The following TTC7A variants were observed in gnomAD, a reference collection of about 807,000 sequenced individuals.
TTC7A encodes tetratricopeptide repeat domain 7A, also known as tetratricopeptide repeat protein 7A.
A neutral mutation model predicts 103.7 loss-of-function variants in TTC7A; 110 were observed. The ratio of observed to expected loss-of-function variants is 1.06; its 90% CI spans 0.91 to 1.24. The LOEUF (loss-of-function observed/expected upper bound fraction) is 1.24. Among genes scored for constraint, TTC7A ranks in the 50% most tolerant of loss-of-function variants. The pLI is 0.00. For synonymous variants in TTC7A, 521 were observed against 467.9 expected (o/e 1.11, Z -1.47); for missense variants, 1,340 against 1,116.3 (o/e 1.20, Z -2.86).
Position 47,073,815 on chromosome 2 carries a change from G to T in TTC7A, c.2469G>T (p.Leu823=). The change falls in exon 20 of 20, where the codon CTG becomes CTT. Residue 823 remains leucine, a synonymous_variant. Coordinates refer to ENST00000319190, the MANE Select transcript of TTC7A (RefSeq NM_020458.4). ...CGTGGCAGGGCCTGGGCGAGGTGCTGCAGGCCCAGGGCCAGAACGAGGCTG... is the reference window on the plus strand; with the variant it reads ...CGTGGCAGGGCCTGGGCGAGGTGCTTCAGGCCCAGGGCCAGAACGAGGCTG... ...HEAWQGLGEV[L]QAQGQNEAAV... 1 of 1,613,692 alleles carries T rather than the reference G, an allele frequency of 6.2e-7. No homozygotes were observed. Among genetic ancestry groups the T allele is most frequent in the Non-Finnish European group, 8.5e-7 (1 of 1,179,976 alleles).
intron 3 of TTC7A, among the ~76,000 whole-genome samples, chr2:46,966,944 G>A (rs1672911929): frequency 6.6e-6 from 1 of 150,590 alleles, no homozygotes; most frequent in Admixed American, 6.6e-5. Context: ...CGGGCGCGGT[G>A]GCTCATGCCT....
At chr2:47,063,339 A>G (rs987465337) in intron 19 of TTC7A, among the ~76,000 whole-genome samples, 2 of 152,394 alleles carry the variant, frequency 1.3e-5, no homozygotes, top group East Asian at 1.9e-4. Context: ...ACGGCAAAGC[A>G]CAGCATGGAG....
At chr2:47,045,040 G>A (rs1049835836) in intron 15 of TTC7A, among the ~76,000 whole-genome samples, 2 of 152,200 alleles carry the variant, frequency 1.3e-5, no homozygotes, top group Non-Finnish European at 2.9e-5. Context: ...AGGTGGGCTG[G>A]TAGAACCTCC....
intron 2 of TTC7A, among the ~76,000 whole-genome samples, chr2:46,925,840 C>G (rs1424568345): frequency 6.6e-6 from 1 of 152,200 alleles, no homozygotes; most frequent in Non-Finnish European, 1.5e-5. Context: ...ACCCATACTT[C>G]CTATGTGTTC....
chr2:47,006,215 AT>A (rs1677363193), intron 9 of TTC7A, among the ~76,000 whole-genome samples, 156 bp downstream of exon 9: 1 of 152,156 alleles, frequency 6.6e-6, no homozygotes, highest in East Asian at 1.9e-4. Context: ...CAGCTTCCTC[AT>A]TGGTGAAATA....
In TTC7A at chr2:47,007,929, G is replaced by A. The variant is rs190229099; in HGVS notation, c.1287+1205G>A. 2.0e-5 allele frequency among the ~76,000 whole-genome samples: 3 copies of A among 152,366 alleles called. No homozygotes were observed. The East Asian group carries it at 5.8e-4, about 29-fold the overall frequency. On this transcript the variant is annotated intron_variant, in intron 10 of 19. Coordinates refer to ENST00000319190, the MANE Select transcript of TTC7A (RefSeq NM_020458.4). The surrounding 1 kb of genome is among the most constrained non-coding windows in gnomAD (Gnocchi z 4.9). ...AGGGCAAGGCCCTGGCCCTCCAAGG[G>A]TTAGAGAGTGAGAGAAACCCTCCTA...
At position 47,008,351 on chromosome 2, in the gene TTC7A, C is replaced by T. The variant is rs187803390; in HGVS notation, c.1287+1627C>T. ...TTTAAATCCGAGAGAGGCTCCTAGA[C>T]GCTCTCCAGGCTCAGTCAAAGGTGT... On this transcript the variant is annotated intron_variant, in intron 10 of 19. Transcript: ENST00000319190. Among the ~76,000 whole-genome samples, 143 of 152,314 alleles carry T rather than the reference C, an allele frequency of 9.4e-4. 2 individuals carry two copies. Among genetic ancestry groups the T allele is most frequent in the African/African-American group, 3.2e-3 (131 of 41,560 alleles).
At chr2:46,994,820 C>T (rs1676005013) in intron 7 of TTC7A, among the ~76,000 whole-genome samples, 1 of 152,228 alleles carries the variant, frequency 6.6e-6, no homozygotes, top group Non-Finnish European at 1.5e-5. Flanking sequence ...AAGGTGCGGT[C>T]TGTAGCCAAC....
At position 47,061,056 on chromosome 2, in the gene TTC7A, C is replaced by T. The variant is rs139838584; in HGVS notation, c.2355+85C>T. On this transcript the variant is annotated intron_variant, in intron 19 of 19. Coordinates refer to ENST00000319190, the MANE Select transcript of TTC7A (RefSeq NM_020458.4). ...CGCTTTGTCCCTCCTTGTCCCCATA[C>T]TCCACTGCCTGCCTGTGCCTTGCTA... 2.9e-6 allele frequency: 4 copies of T among 1,359,580 alleles called. No homozygotes were observed. In the East Asian group the frequency reaches 1.0e-4, roughly 34 times the overall value. 84.2% of individuals were successfully genotyped at this position (1,359,580 alleles called of 1,614,324 possible).
intron 13 of TTC7A, 63 bp downstream of exon 13, chr2:47,023,528 T>G: frequency 6.5e-7 from 1 of 1,538,792 alleles, no homozygotes; most frequent in Admixed American, 1.7e-5. Flanking sequence ...TCACAAGCTT[T>G]ACGTCATCAG....
Position 47,006,199 on chromosome 2 carries a change from A to G in TTC7A, c.1203+140A>G. The G allele has an allele frequency of 7.4e-6, 8 of 1,082,630 alleles. No individual in the cohort carries two copies. In the South Asian group the frequency reaches 1.2e-4, roughly 16 times the overall value. The allele number at this position is 1,082,630 out of a possible 1,614,324, so 67.1% of individuals were successfully genotyped here. ...CCGCTTTGACCTCGGCAAGTTGTAC[A>G]AGTCTCAGCTTCCTCATTGGTGAAA... On this transcript the variant is annotated intron_variant, in intron 9 of 19. Transcript: ENST00000319190.
At chr2:46,944,382 T>TTG (rs937796927) in intron 1 of TTC7A, among the ~76,000 whole-genome samples, 17 of 145,122 alleles carry the variant, frequency 1.2e-4, no homozygotes, top group African/African-American at 4.5e-4. Flanking sequence ...GGGTTTTTTT[T>TTG]TTTTTTTTTT....
Position 47,062,917 on chromosome 2 carries a change from T to C in TTC7A, c.2355+1946T>C, listed in dbSNP as rs1481519494. Among the ~76,000 whole-genome samples the C allele has an allele frequency of 3.3e-5, 5 of 152,340 alleles. No individual in the cohort carries two copies. In the East Asian group the frequency reaches 9.6e-4, roughly 29 times the overall value. ...AGCCAGGCCTGCCCTCTTTTAAAGT[T>C]ACAAGCAACCAGAGGGGCAGTCGGC... On this transcript the variant is annotated intron_variant, in intron 19 of 19. Transcript: ENST00000319190.
chr2:46,995,797 C>T (rs74682307), intron 8 of TTC7A, among the ~76,000 whole-genome samples: 1,885 of 152,288 alleles, frequency 0.012, 47 homozygotes, highest in African/African-American at 0.043. Context: ...CCAGAGATGC[C>T]GCAGCAAACA....
intron 15 of TTC7A, among the ~76,000 whole-genome samples, chr2:47,038,952 A>T (rs2104654315): frequency 6.6e-6 from 1 of 152,254 alleles, no homozygotes; most frequent in Non-Finnish European, 1.5e-5. Flanking sequence ...TCTCCCCCAG[A>T]TGAAGGAAGG....
At chr2:47,029,806 CG>C (rs1320974986) in intron 15 of TTC7A, among the ~76,000 whole-genome samples, 1 of 152,208 alleles carries the variant, frequency 6.6e-6, no homozygotes, top group East Asian at 1.9e-4. Flanking sequence ...CAGCTGGAGA[CG>C]GGTTATGGCC....
Position 47,019,976 on chromosome 2 carries a change from G to A in TTC7A, c.1393-1886G>A, listed in dbSNP as rs553122563. On this transcript the variant is annotated intron_variant, in intron 11 of 19. Transcript: ENST00000319190. ...CCTTTTCCACCTCTGCTGCCTCCTG[G>A]GGTAACCACAGCCACCTGATAAGCT... is the stretch of plus-strand genomic sequence containing the variant. 3.3e-5 allele frequency among the ~76,000 whole-genome samples: 5 copies of A among 152,246 alleles called. No homozygotes were observed. The South Asian group carries it at 8.3e-4, about 25-fold the overall frequency.
intron 10 of TTC7A, among the ~76,000 whole-genome samples, chr2:47,009,648 C>T (rs1677810547): frequency 6.6e-6 from 1 of 152,120 alleles, no homozygotes; most frequent in Non-Finnish European, 1.5e-5. Flanking sequence ...CTGCTGTAGA[C>T]AGGCGAGCCT....
chr2:47,017,574 A>T (rs188303568), intron 11 of TTC7A, among the ~76,000 whole-genome samples: 2 of 152,250 alleles, frequency 1.3e-5, no homozygotes, highest in East Asian at 3.9e-4. Context: ...TAGACTGTAG[A>T]TTATCAGAGA....
Sources: gnomAD v4.1 joint callset for allele counts (sites outside exome capture counted in the v4.1 genomes callset) on GRCh38, gnomAD v4.1.1 for gene constraint, Gnocchi (gnomAD v3.1) non-coding constraint, MANE v1.5 for transcripts, NCBI Gene and HGNC (gene_info 2026-07-23, HGNC 2026-07-21) for gene names.